The following ZNF273 variants were observed in gnomAD, a reference collection of about 807,000 sequenced individuals.
The protein encoded by ZNF273 is zinc finger protein 273.
In ZNF273, 11 loss-of-function variants were observed where a neutral mutation model predicts 14.9. The ratio of observed to expected loss-of-function variants is 0.74; its 90% CI spans 0.46 to 1.22. The LOEUF is 1.22. ZNF273 is among the 50% of genes most tolerant of loss of function. The pLI is 0.00. For missense variants in ZNF273, 577 were observed against 660.6 expected (o/e 0.87, Z 1.39); for synonymous variants, 199 against 223.9 (o/e 0.89, Z 0.99).
At chr7:64,915,532 G>A (rs1214654581) in intron 1 of ZNF273, among the ~76,000 whole-genome samples, 1 of 152,254 alleles carries the variant, frequency 6.6e-6, no homozygotes, top group Admixed American at 6.5e-5. Context: ...ATCTGCAGCA[G>A]GAGCACGTCC....
Position 64,926,321 on chromosome 7 carries a change from TTATA to T in ZNF273, c.326-1329_326-1326del, listed in dbSNP as rs530289559. 3.9e-5 allele frequency among the ~76,000 whole-genome samples: 6 copies of T among 152,274 alleles called. No homozygotes were observed. The South Asian group carries it at 1.2e-3, about 32-fold the overall frequency. ...TTGCCTGTGACTGTTGAAATCGTGC[TTATA>T]TATGTGTGTGTTATAAATATCTTTG... On this transcript the variant is annotated intron_variant, in intron 3 of 3. Coordinates refer to ENST00000476120, the MANE Select transcript of ZNF273 (RefSeq NM_021148.3).
At chr7:64,913,771 T>A (rs1562959527) in intron 1 of ZNF273, among the ~76,000 whole-genome samples, 2 of 152,324 alleles carry the variant, frequency 1.3e-5, no homozygotes, top group South Asian at 4.1e-4. Flanking sequence ...TTTGCAAACC[T>A]GCAGAATAAC....
chr7:64,905,036 G>A (rs935594597), intron 1 of ZNF273, among the ~76,000 whole-genome samples: 1 of 151,562 alleles, frequency 6.6e-6, no homozygotes, highest in Non-Finnish European at 1.5e-5. Flanking sequence ...CCATAGGACA[G>A]TCTCAGGTAT....
At chr7:64,878,452 C>G (rs988069859) in exon 2 of ZNF273, 1 of 152,324 alleles carries the variant, frequency 6.6e-6, no homozygotes. Flanking sequence ...GAGCACTCCT[C>G]CATCGTCTTG....
Position 64,927,865 on chromosome 7 carries a change from A to G in ZNF273, c.537A>G (p.Gln179=), listed in dbSNP as rs747744427. ...CLTTTQSKIF[Q]CDKYVKVLHK... is the part of the protein sequence containing the mutation. ...CAACTACCCAGAGCAAAATATTTCA[A>G]TGTGATAAATATGTTAAAGTCCTTC... Residue 179 remains glutamine (Q), a synonymous_variant, in exon 4 of 4, where the codon CAA becomes CAG. Transcript: ENST00000476120. 5.6e-6 allele frequency: 9 copies of G among 1,613,868 alleles called. No individual in the cohort carries two copies. The highest frequency in any genetic ancestry group is 1.7e-5 in the Admixed American group (1 of 59,988).
chr7:64,912,832 T>TGTTGTTGTTTTTTC (rs1554386326), intron 1 of ZNF273, among the ~76,000 whole-genome samples: 1 of 61,198 alleles, frequency 1.6e-5, no homozygotes, highest in Non-Finnish European at 3.3e-5. Flanking sequence ...TTTAGTTTTT[T>TGTTGTTGTTTTTTC]TTTTTTTTTT....
downstream of ZNF273, among the ~76,000 whole-genome samples, chr7:64,883,176 TG>T (rs1461965094): frequency 6.8e-6 from 1 of 146,490 alleles, no homozygotes; most frequent in Non-Finnish European, 1.5e-5. Context: ...CGCGGTGAAT[TG>T]GGGGGCTGGC....
At chr7:64,892,951 TAAC>T (rs916415782), downstream of ZNF273, among the ~76,000 whole-genome samples, 7 of 152,214 alleles carry the variant, frequency 4.6e-5, no homozygotes, top group African/African-American at 7.2e-5. Context: ...CTACATGTAG[TAAC>T]AACAACAACA....
intron 3 of ZNF273, chr7:64,923,871 T>A (rs1794644294): frequency 6.6e-6 from 1 of 152,282 alleles, no homozygotes; most frequent in Non-Finnish European, 1.5e-5. Flanking sequence ...TTCTGTAGCT[T>A]TGTAATATGT....
At chr7:64,918,380 G>T in intron 3 of ZNF273, 88 bp downstream of exon 3, 1 of 1,340,646 alleles carries the variant, frequency 7.5e-7, no homozygotes, top group South Asian at 1.4e-5. Context: ...AATGTGATTT[G>T]GGCCAGGCGC....
chr7:64,917,927 G>T (rs1489867284), intron 2 of ZNF273, among the ~76,000 whole-genome samples: 1 of 151,956 alleles, frequency 6.6e-6, no homozygotes, highest in Non-Finnish European at 1.5e-5. Context: ...TAGATTAATG[G>T]TAATTCCAAA....
Position 64,928,295 on chromosome 7 carries a change from T to A in ZNF273, c.967T>A (p.Cys323Ser), listed in dbSNP as rs371657784. ...TGTKPYNCEE[C>S]GKGFSIFSTL... ...AACAAAACCCTACAATTGTGAAGAA[T>A]GTGGCAAAGGCTTTAGTATATTCTC... Residue 323 changes from cysteine to serine, a missense_variant, in exon 4 of 4, where the codon TGT becomes AGT. Transcript: ENST00000476120. 3.1e-6 allele frequency: 5 copies of A among 1,612,822 alleles called. No homozygotes were observed. The highest frequency in any genetic ancestry group is 1.6e-4 in the Middle Eastern group (1 of 6,070).
intron 1 of ZNF273, among the ~76,000 whole-genome samples, chr7:64,909,487 C>T (rs1294786974): frequency 6.6e-6 from 1 of 152,082 alleles, no homozygotes; most frequent in Admixed American, 6.6e-5. Context: ...CCTTGGCCCC[C>T]CAAAGTGCTG....
exon 3 of ZNF273, chr7:64,879,711 C>G (rs900405130): frequency 2.6e-5 from 4 of 152,160 alleles, no homozygotes; most frequent in Admixed American, 2.6e-4. Context: ...TCAAAGAGAC[C>G]CCTCAAAAAC....
In ZNF273 at chr7:64,928,315, A is replaced by G. The variant is rs766169134; in HGVS notation, c.987A>G (p.Ile329Met). 4 of 1,613,390 alleles carry G rather than the reference A, an allele frequency of 2.5e-6. No individual in the cohort carries two copies. In the East Asian group the frequency reaches 6.7e-5, roughly 27 times the overall value. Reference sequence around the variant, plus strand: ...AAGAATGTGGCAAAGGCTTTAGTATATTCTCAACCCTTACTAAACATAAGA... The same window carrying G: ...AAGAATGTGGCAAAGGCTTTAGTATGTTCTCAACCCTTACTAAACATAAGA... ...NCEECGKGFS[I>M]FSTLTKHKII... Residue 329 changes from isoleucine to methionine, a missense_variant, in exon 4 of 4, where the codon ATA becomes ATG. This residue lies in a region of ZNF273 where 411 missense variants were observed against 440.4 expected (regional missense o/e 0.93). Coordinates refer to ENST00000476120, the MANE Select transcript of ZNF273 (RefSeq NM_021148.3).
downstream of ZNF273, chr7:64,889,262 G>T: frequency 1.0e-6 from 1 of 985,088 alleles, no homozygotes; most frequent in Non-Finnish European, 1.2e-6. This position sits in a 1 kb window ranked among gnomAD's most constrained non-coding sequence, Gnocchi z 4.2. Flanking sequence ...CCCGCAAAGG[G>T]CCGGGAGGTC....
downstream of ZNF273, among the ~76,000 whole-genome samples, chr7:64,934,347 T>C (rs1481998542): frequency 6.6e-6 from 1 of 152,230 alleles, no homozygotes; most frequent in Admixed American, 6.5e-5. Context: ...ACATCAATTT[T>C]GCCTTTGATT....
downstream of ZNF273, among the ~76,000 whole-genome samples, chr7:64,894,194 AG>A (rs1192811589): frequency 6.6e-6 from 1 of 152,084 alleles, no homozygotes; most frequent in East Asian, 1.9e-4. Context: ...TAGAAGAAAC[AG>A]GGTTTCACCG....
At chr7:64,932,238 A>AAT (rs1554392286), downstream of ZNF273, among the ~76,000 whole-genome samples, 17 of 151,618 alleles carry the variant, frequency 1.1e-4, no homozygotes, top group African/African-American at 3.9e-4. Flanking sequence ...AAAAAAAAAA[A>AAT]ATATCTTACT....
Sources: allele counts gnomAD v4.1 joint callset (sites outside exome capture counted in the v4.1 genomes callset), GRCh38; gene constraint gnomAD v4.1.1; regional missense constraint gnomAD v4.1.1; non-coding constraint Gnocchi (gnomAD v3.1); transcripts MANE v1.5; gene names NCBI Gene and HGNC (gene_info 2026-07-23, HGNC 2026-07-21).